CDH13: variants seen among roughly 807,000 people sequenced by gnomAD.
The protein encoded by CDH13 is cadherin 13.
In CDH13, 24 loss-of-function variants were observed where a neutral mutation model predicts 63.8. That is an observed-to-expected ratio of 0.38 (90% CI 0.27 to 0.53). The LOEUF (loss-of-function observed/expected upper bound fraction) is 0.53, where lower values mean the gene tolerates loss of function less well. Among genes scored for constraint, CDH13 ranks in the 20% least tolerant of loss-of-function variants. The pLI is 0.85. For missense variants in CDH13, 1,049 were observed against 903.1 expected (o/e 1.16, Z -2.07); for synonymous variants, 503 against 355.3 (o/e 1.42, Z -4.67).
chr16:83,188,567 C>T (rs1232544477), intron 4 of CDH13, among the ~76,000 whole-genome samples: 1 of 152,156 alleles, frequency 6.6e-6, no homozygotes. Flanking sequence ...AGCCCCATGC[C>T]AGGCGTTGGC....
chr16:82,992,380 A>G (rs563011846), intron 2 of CDH13, among the ~76,000 whole-genome samples: 5 of 152,354 alleles, frequency 3.3e-5, no homozygotes, highest in East Asian at 1.9e-4. Context: ...GATATATACA[A>G]TCAGAGTTAA....
intron 2 of CDH13, among the ~76,000 whole-genome samples, chr16:82,906,840 A>G (rs1393930082): frequency 1.3e-5 from 2 of 151,886 alleles, no homozygotes; most frequent in African/African-American, 4.8e-5. Context: ...CTCTGCTTCC[A>G]TTGTCTCATG....
At chr16:83,281,738 A>C (rs2089181445) in intron 5 of CDH13, among the ~76,000 whole-genome samples, 1 of 149,744 alleles carries the variant, frequency 6.7e-6, no homozygotes, top group Non-Finnish European at 1.5e-5. Flanking sequence ...GTAAAACCTC[A>C]TCTGTGCTTA....
intron 1 of CDH13, among the ~76,000 whole-genome samples, chr16:82,813,501 T>C (rs1277515305): frequency 1.3e-5 from 2 of 152,192 alleles, no homozygotes; most frequent in East Asian, 3.9e-4. Flanking sequence ...TGTCTCCTTT[T>C]AAGTGCAGAG....
intron 10 of CDH13, among the ~76,000 whole-genome samples, chr16:83,724,720 C>T (rs1411417221): frequency 6.6e-6 from 1 of 152,194 alleles, no homozygotes; most frequent in Non-Finnish European, 1.5e-5. Flanking sequence ...TCCTTACTTT[C>T]CCCTCCCTTC....
At chr16:83,017,680 T>A (rs1050349689) in intron 2 of CDH13, among the ~76,000 whole-genome samples, 1 of 152,182 alleles carries the variant, frequency 6.6e-6, no homozygotes, top group African/African-American at 2.4e-5. Flanking sequence ...ACATCAAACA[T>A]GAAATACTAT....
chr16:83,432,027 A>AG (rs1324514917), intron 6 of CDH13, among the ~76,000 whole-genome samples: 1 of 152,168 alleles, frequency 6.6e-6, no homozygotes, highest in Non-Finnish European at 1.5e-5. Context: ...AGAAGGAGGA[A>AG]GGGGAGAAAC....
intron 8 of CDH13, among the ~76,000 whole-genome samples, chr16:83,665,143 A>G (rs901926453): frequency 1.3e-5 from 2 of 151,926 alleles, no homozygotes; most frequent in African/African-American, 4.8e-5. Context: ...AAGAATGAGC[A>G]AGTGTGTGAG....
intron 6 of CDH13, among the ~76,000 whole-genome samples, chr16:83,485,311 G>T (rs2073861052): frequency 6.6e-6 from 1 of 152,182 alleles, no homozygotes; most frequent in Non-Finnish European, 1.5e-5. Flanking sequence ...CTGCCCAATG[G>T]TCCTTGACAA....
chr16:83,215,197 C>T (rs2151784375), intron 4 of CDH13, among the ~76,000 whole-genome samples: 1 of 146,446 alleles, frequency 6.8e-6, no homozygotes, highest in South Asian at 2.2e-4. Context: ...CTGCCTCAGC[C>T]TCCAGAGTAA....
intron 5 of CDH13, among the ~76,000 whole-genome samples, chr16:83,314,130 A>G (rs562555452): frequency 1.3e-5 from 2 of 152,296 alleles, no homozygotes; most frequent in African/African-American, 4.8e-5. Context: ...CCCCACTGTA[A>G]TGAGCTATGC....
chr16:83,563,147 C>G (rs2075737030), intron 7 of CDH13, among the ~76,000 whole-genome samples: 6 of 152,206 alleles, frequency 3.9e-5, no homozygotes, highest in Admixed American at 2.0e-4. Context: ...CCAGGAATAG[C>G]CCATGGACTT....
Position 82,743,705 on chromosome 16 carries a change from T to G in CDH13, c.46-114657T>G, listed in dbSNP as rs760653201. Among the ~76,000 whole-genome samples the G allele has an allele frequency of 3.3e-5, 5 of 152,326 alleles. 1 individual carries two copies. The highest frequency in any genetic ancestry group is 6.8e-3 in the Middle Eastern group (2 of 294). Reference sequence around the variant, plus strand: ...ATAAAGCGTGTGAATATGGAAAACATGTCAAGTGTTGCTTGTCCCCCACTG... The same window carrying G: ...ATAAAGCGTGTGAATATGGAAAACAGGTCAAGTGTTGCTTGTCCCCCACTG... On this transcript the variant is annotated intron_variant, in intron 1 of 13. Coordinates refer to ENST00000567109, the MANE Select transcript of CDH13 (RefSeq NM_001257.5).
At chr16:83,691,491 T>G (rs1291034638) in intron 10 of CDH13, among the ~76,000 whole-genome samples, 1 of 152,112 alleles carries the variant, frequency 6.6e-6, no homozygotes, top group Admixed American at 6.5e-5. Flanking sequence ...CATGAGGCAC[T>G]GCTTCCTGAG....
intron 4 of CDH13, among the ~76,000 whole-genome samples, chr16:83,131,502 T>G (rs1430190524): frequency 1.3e-5 from 2 of 152,174 alleles, no homozygotes; most frequent in Non-Finnish European, 2.9e-5. Flanking sequence ...TTTCAAAATT[T>G]GGGCCATAAA....
At chr16:83,688,688 G>A (rs1026301648) in intron 10 of CDH13, among the ~76,000 whole-genome samples, 1 of 152,056 alleles carries the variant, frequency 6.6e-6, no homozygotes, top group Non-Finnish European at 1.5e-5. Flanking sequence ...TAAATGGATT[G>A]TTTACAGTGG....
chr16:82,933,059 A>T (rs746565384), intron 2 of CDH13, among the ~76,000 whole-genome samples: 2 of 152,272 alleles, frequency 1.3e-5, no homozygotes, highest in South Asian at 4.1e-4. Flanking sequence ...AGGGGTTTGC[A>T]TGAATCTTTA....
chr16:83,383,171 T>G (rs2091602341), intron 6 of CDH13: 1 of 152,122 alleles, frequency 6.6e-6, no homozygotes. Flanking sequence ...CATCTGATGT[T>G]TCCTCGGGAC....
At chr16:83,579,643 C>G (rs1905365431) in intron 7 of CDH13, among the ~76,000 whole-genome samples, 1 of 151,988 alleles carries the variant, frequency 6.6e-6, no homozygotes, top group Admixed American at 6.6e-5. Flanking sequence ...GGGCGGTGAC[C>G]CAAATCCAAA....
Sources: allele counts gnomAD v4.1 joint callset (sites outside exome capture counted in the v4.1 genomes callset), GRCh38; gene constraint gnomAD v4.1.1; transcripts MANE v1.5; gene names NCBI Gene and HGNC (gene_info 2026-07-23, HGNC 2026-07-21).